The following FAM120C variants were observed in gnomAD, a reference collection of about 807,000 sequenced individuals.
FAM120C encodes family with sequence similarity 120 member C, also known as constitutive coactivator of PPAR-gamma-like protein 2.
FAM120C carries 14 observed loss-of-function variants against 71.2 expected under a neutral mutation model. The ratio of observed to expected loss-of-function variants is 0.20; its 90% CI spans 0.13 to 0.31. The LOEUF is 0.31. FAM120C is among the 10% of genes least tolerant of loss of function. FAM120C has a pLI of 1.00. For missense variants in FAM120C, 500 were observed against 879.0 expected, an observed-to-expected ratio of 0.57 and a Z score of 5.45; for synonymous variants, 354 against 353.2, an observed-to-expected ratio of 1.00 and a Z score of -0.03.
Position 54,169,535 on chromosome X carries a change from G to A in FAM120C, c.700-9919C>T, listed in dbSNP as rs60521787. 5.0e-3 allele frequency among the ~76,000 whole-genome samples: 555 copies of A among 111,545 alleles called. 2 individuals carry two copies. The highest frequency in any genetic ancestry group is 0.017 in the African/African-American group (521 of 30,703). On this transcript the variant is annotated intron_variant, in intron 1 of 15. Transcript: ENST00000375180. ...CAAACTAGAGGCAATACTGCTTTCT[G>A]ACCTCTGCGGTACTTGACTTCCTCC...
intron 10 of FAM120C, among the ~76,000 whole-genome samples, chrX:54,110,210 G>A (rs1464692843): frequency 9.3e-6 from 1 of 107,465 alleles, no homozygotes; most frequent in Non-Finnish European, 1.9e-5. Context: ...GGATGGTCTC[G>A]ATCTCCTGAC....
chrX:54,078,058 C>T (rs1569531332), intron 15 of FAM120C, among the ~76,000 whole-genome samples: 1 of 101,031 alleles, frequency 9.9e-6, no homozygotes, highest in Non-Finnish European at 2.0e-5. Flanking sequence ...ATTCTCCTGC[C>T]TCAGCCTCCC....
intron 11 of FAM120C, among the ~76,000 whole-genome samples, chrX:54,090,765 A>T (rs1428334790): frequency 9.0e-6 from 1 of 111,443 alleles, no homozygotes; most frequent in Admixed American, 9.7e-5. Flanking sequence ...ACAATTGTAC[A>T]AGTAAGGAAA....
At chrX:54,144,493 A>T (rs782816678) in intron 4 of FAM120C, among the ~76,000 whole-genome samples, 1 of 112,011 alleles carries the variant, frequency 8.9e-6, no homozygotes, top group South Asian at 3.7e-4. Context: ...CAATGTGCAA[A>T]AATCACAAGC....
At chrX:54,138,797 C>T (rs782043382) in intron 4 of FAM120C, among the ~76,000 whole-genome samples, 1 of 112,239 alleles carries the variant, frequency 8.9e-6, no homozygotes, top group South Asian at 3.6e-4. Flanking sequence ...CCAGCCTAGG[C>T]GACAGAGCGA....
At chrX:54,098,958 T>A (rs1449600071) in intron 10 of FAM120C, among the ~76,000 whole-genome samples, 3 of 109,773 alleles carry the variant, frequency 2.7e-5, no homozygotes, top group African/African-American at 9.9e-5. Flanking sequence ...TCTATTCAAA[T>A]CTTTCACCCA....
chrX:54,116,502 GT>G (rs782424822), intron 10 of FAM120C, 42 bp downstream of exon 10: 1 of 1,166,612 alleles, frequency 8.6e-7, no homozygotes, highest in South Asian at 2.0e-5. Context: ...TATAAAAAAA[GT>G]AAAAGAGAAA....
At chrX:54,084,255 G>C (rs1213090400) in intron 13 of FAM120C, among the ~76,000 whole-genome samples, 1 of 111,635 alleles carries the variant, frequency 9.0e-6, no homozygotes, top group Admixed American at 9.6e-5. Flanking sequence ...AAAGTCATCT[G>C]AAAGGGATGG....
intron 10 of FAM120C, among the ~76,000 whole-genome samples, chrX:54,114,742 TTTTG>T (rs782508674): frequency 5.6e-4 from 61 of 108,028 alleles, no homozygotes; most frequent in Non-Finnish European, 1.0e-3. Flanking sequence ...CCCAGCCTAA[TTTTG>T]TTTGTTTGTT....
chrX:54,083,653 C>T (rs782248557), intron 13 of FAM120C, among the ~76,000 whole-genome samples: 30 of 110,992 alleles, frequency 2.7e-4, no homozygotes, highest in African/African-American at 9.5e-4. Flanking sequence ...CACACACACA[C>T]GAGTCCTTCA....
rs371749990 is a variant in FAM120C, at chrX:54,166,308, G to C, written c.700-6692C>G. 8.0e-5 allele frequency among the ~76,000 whole-genome samples: 9 copies of C among 111,901 alleles called. No individual in the cohort carries two copies. In the East Asian group the frequency reaches 2.5e-3, roughly 31 times the overall value. On this transcript the variant is annotated intron_variant, in intron 1 of 15. Coordinates refer to ENST00000375180, the MANE Select transcript of FAM120C (RefSeq NM_017848.6). ...GGGGTATAACGGTAGAATCTCTAGG[G>C]AGAGCGATTTGGCAAGACCTTTCAA...
At chrX:54,101,821 G>A (rs1308922894) in intron 10 of FAM120C, among the ~76,000 whole-genome samples, 1 of 111,449 alleles carries the variant, frequency 9.0e-6, no homozygotes, top group African/African-American at 3.3e-5. Flanking sequence ...ATTTATATCA[G>A]CATTCTGGTT....
At position 54,071,419 on chromosome X, in the gene FAM120C, A is replaced by G. The variant is rs1557120020; in HGVS notation, c.*1614T>C. 1 of 112,886 alleles carries G rather than the reference A, an allele frequency of 8.9e-6. No individual in the cohort carries two copies. Among genetic ancestry groups the G allele is most frequent in the African/African-American group, 3.2e-5 (1 of 31,150 alleles). 9.3% of individuals were successfully genotyped at this position (112,886 alleles called of 1,213,427 possible). A position where few individuals can be genotyped will look rare whatever the true frequency, so the allele number is the denominator to read the frequency against. ...CAGTAGTCAGAATGTCAATGAACAA[A>G]TGAAACAATCTAGGCGTGTAAAATC... On this transcript the variant is annotated 3_prime_UTR_variant, in exon 16 of 16. Coordinates refer to ENST00000375180, the MANE Select transcript of FAM120C (RefSeq NM_017848.6).
In FAM120C at chrX:54,085,829, G is replaced by T; in HGVS notation, c.2725C>A (p.Pro909Thr). ...ATGGGAGGCACAAAAGTAGGTGACG[G>T]AAGTAGAGCAGAAGGCGGTGGATGA... ...MNHPPPSALLPSPTFVPPMVP... is the reference protein window; with the variant it reads ...MNHPPPSALLTSPTFVPPMVP... The change falls in exon 13 of 16, where the codon CCG becomes ACG. Residue 909 changes from proline (P) to threonine (T), a missense_variant. Transcript: ENST00000375180. 1 of 1,211,533 alleles carries T rather than the reference G, an allele frequency of 8.3e-7. No homozygotes were observed. Among genetic ancestry groups the T allele is most frequent in the Non-Finnish European group, 1.1e-6 (1 of 895,226 alleles).
chrX:54,145,996 C>T (rs1188344231), intron 4 of FAM120C, among the ~76,000 whole-genome samples: 3 of 111,792 alleles, frequency 2.7e-5, no homozygotes, highest in East Asian at 2.8e-4. Context: ...GATGAGTTCA[C>T]GTCCTTTGTA....
rs1267430178 is a variant in FAM120C, at chrX:54,113,747, GA to G, written c.2312+2797del. The stretch of plus-strand genomic sequence containing the variant: ...AACATGGAGAAACCCCGTCTCTACT[GA>G]AAAAAAAAAAATACAAAATTAGCCG... On this transcript the variant is annotated intron_variant, in intron 10 of 15. Coordinates refer to ENST00000375180, the MANE Select transcript of FAM120C (RefSeq NM_017848.6). Among the ~76,000 whole-genome samples the G allele has an allele frequency of 6.1e-4, 58 of 94,970 alleles. 1 individual carries two copies. The highest frequency in any genetic ancestry group is 2.4e-3 in the South Asian group (5 of 2,094). The allele number at this position is 94,970 out of a possible 115,157, so 82.5% of individuals were successfully genotyped here. A position where few individuals can be genotyped will look rare whatever the true frequency, so the allele number is the denominator to read the frequency against.
chrX:54,136,472 G>C lies in FAM120C; in HGVS notation c.1258+19C>G, dbSNP rs375976452. On this transcript the variant is annotated intron_variant, in intron 5 of 15. Coordinates refer to ENST00000375180, the MANE Select transcript of FAM120C (RefSeq NM_017848.6). ...TTCCCCTATGAACAGAGCAGCTTAGGGTCAGATGGAAGCCTTACCTAGAAA... is the reference window on the plus strand; with the variant it reads ...TTCCCCTATGAACAGAGCAGCTTAGCGTCAGATGGAAGCCTTACCTAGAAA... The C allele has an allele frequency of 5.3e-5, 61 of 1,155,220 alleles. No individual in the cohort carries two copies. Among genetic ancestry groups the C allele is most frequent in the Non-Finnish European group, 7.2e-5 (61 of 845,508 alleles).
chrX:54,159,759 T>C, intron 1 of FAM120C, 143 bp from the exon 2 acceptor site: 1 of 601,228 alleles, frequency 1.7e-6, no homozygotes, highest in Non-Finnish European at 2.4e-6. Flanking sequence ...TAACATTTTT[T>C]ACTTTTTTTT....
At chrX:54,143,476 A>C (rs1452516157) in intron 4 of FAM120C, among the ~76,000 whole-genome samples, 4 of 112,738 alleles carry the variant, frequency 3.5e-5, no homozygotes, top group African/African-American at 1.3e-4. Context: ...AAAAATGATA[A>C]AGGGGATATC....
Sources: gnomAD v4.1 joint callset for allele counts (sites outside exome capture counted in the v4.1 genomes callset) on GRCh38, gnomAD v4.1.1 for gene constraint, MANE v1.5 for transcripts, NCBI Gene and HGNC (gene_info 2026-07-23, HGNC 2026-07-21) for gene names.